ANO1: variants seen among roughly 807,000 people sequenced by gnomAD.
The protein encoded by ANO1 is anoctamin-1.
In ANO1, 59 loss-of-function variants were observed where a neutral mutation model predicts 124.0. The ratio of observed to expected loss-of-function variants is 0.48; its 90% CI spans 0.39 to 0.59. The LOEUF (loss-of-function observed/expected upper bound fraction) is 0.59. ANO1 is among the 20% of genes least tolerant of loss of function. The pLI, the probability that ANO1 is intolerant of heterozygous loss-of-function variation, is 0.00. For synonymous variants in ANO1, 529 were observed against 532.0 expected (o/e 0.99, Z 0.08); for missense variants, 1,059 against 1,328.0 (o/e 0.80, Z 3.15).
intron 1 of ANO1, among the ~76,000 whole-genome samples, chr11:70,050,246 C>A (rs1857331458): frequency 6.6e-6 from 1 of 152,156 alleles, no homozygotes; most frequent in South Asian, 2.1e-4. Context: ...GCTGTGGTAA[C>A]AGAGCTGTTT....
At chr11:70,020,017 G>A (rs1343226293) in intron 1 of ANO1, among the ~76,000 whole-genome samples, 3 of 152,120 alleles carry the variant, frequency 2.0e-5, no homozygotes, top group Non-Finnish European at 2.9e-5. Flanking sequence ...GGCTTCCCCC[G>A]GACCCTCCAA....
chr11:70,000,328 G>GC (rs1554999046), intron 1 of ANO1, among the ~76,000 whole-genome samples: 2 of 150,910 alleles, frequency 1.3e-5, no homozygotes, highest in Non-Finnish European at 1.5e-5. Context: ...GGCCGGGGGG[G>GC]GATGCACACT....
chr11:70,098,653 G>C (rs912255242), intron 2 of ANO1, among the ~76,000 whole-genome samples: 8 of 152,206 alleles, frequency 5.3e-5, no homozygotes, highest in African/African-American at 1.9e-4. Flanking sequence ...AAACCACCCA[G>C]GTCTGATCTT....
chr11:70,028,512 T>A (rs1447545347), intron 1 of ANO1, among the ~76,000 whole-genome samples: 6 of 151,544 alleles, frequency 4.0e-5, no homozygotes, highest in Admixed American at 2.0e-4. Flanking sequence ...GACTTTAAAA[T>A]GACTCAATTG....
upstream of ANO1, among the ~76,000 whole-genome samples, chr11:70,077,675 C>T (rs568971928): frequency 1.3e-5 from 2 of 152,348 alleles, no homozygotes; most frequent in African/African-American, 4.8e-5. Context: ...CGGACTGGTC[C>T]TTGGCCCTCC....
rs555730202 is a variant in ANO1 at position 70,014,502 on chromosome 11, G to C, written c.58+28336G>C. Among the ~76,000 whole-genome samples the C allele has an allele frequency of 4.6e-5, 7 of 152,218 alleles. No homozygotes were observed. The East Asian group carries it at 1.4e-3, about 29-fold the overall frequency. ...TTCTAGTTCACTCACCGTCACTGCC[G>C]AGTCCTCTTGCACTTGGGAGTCCAC... On this transcript the variant is annotated intron_variant, in intron 1 of 27. Coordinates refer to the ANO1 transcript ENST00000531349.
chr11:70,137,204 C>T lies in ANO1; in HGVS notation c.1258+5125C>T, dbSNP rs1387942589. The stretch of plus-strand genomic sequence containing the variant: ...CACCGCTGAAGCACACGTGCCAGAG[C>T]TCCCGTTGTTTATCACACTGTATCC... On this transcript the variant is annotated intron_variant, in intron 11 of 25. Transcript: ENST00000355303. Among the ~76,000 whole-genome samples, 5 of 147,004 alleles carry T rather than the reference C, an allele frequency of 3.4e-5. 1 individual carries two copies. The highest frequency in any genetic ancestry group is 7.6e-5 in the Non-Finnish European group (5 of 66,076).
In ANO1 at chr11:70,165,622, G is replaced by C. The variant is rs2048227544; in HGVS notation, c.2051+52G>C. ...GGCAGGGGCGGGGCCAGGCGGAGGG[G>C]TGTGTGGGTGGCTCCTGCGGGGGTC... On this transcript the variant is annotated intron_variant, in intron 20 of 25. Transcript: ENST00000355303. The C allele has an allele frequency of 2.0e-6, 3 of 1,484,924 alleles. No individual in the cohort carries two copies. The African/African-American group carries it at 4.1e-5, about 21-fold the overall frequency. The allele number at this position is 1,484,924 out of a possible 1,614,324, so 92.0% of individuals were successfully genotyped here.
At chr11:70,045,645 T>G (rs1260368056) in intron 1 of ANO1, among the ~76,000 whole-genome samples, 1 of 152,106 alleles carries the variant, frequency 6.6e-6, no homozygotes, top group Non-Finnish European at 1.5e-5. Context: ...AACTGATTTT[T>G]TTTTTTCCGT....
At chr11:70,143,805 C>T (rs1406002576) in intron 11 of ANO1, among the ~76,000 whole-genome samples, 1 of 152,206 alleles carries the variant, frequency 6.6e-6, no homozygotes, top group Non-Finnish European at 1.5e-5. Context: ...AATCTACGCT[C>T]ATCATTCTAT....
chr11:70,124,837 C>T (rs2515261), intron 9 of ANO1, among the ~76,000 whole-genome samples: 125,652 of 152,242 alleles, frequency 0.83, 51,996 homozygotes, highest in Middle Eastern at 0.89. Flanking sequence ...CGCCAGAGCT[C>T]GACTGGTAGA....
At chr11:69,970,090 C>T in the ANO1 span, among the ~76,000 whole-genome samples, 2 of 152,122 alleles carry the variant, frequency 1.3e-5, no homozygotes, top group Non-Finnish European at 2.9e-5. Flanking sequence ...GTGAGGGTGA[C>T]GTGTTCTCAG....
intron 19 of ANO1, 156 bp from the exon 20 acceptor site, chr11:70,165,314 A>T (rs1317922512): frequency 7.7e-6 from 5 of 648,308 alleles, no homozygotes; most frequent in Non-Finnish European, 1.3e-5. Flanking sequence ...CTTTTTGCAA[A>T]TAAGGCCACG....
At chr11:70,030,878 C>G (rs951327443) in intron 1 of ANO1, among the ~76,000 whole-genome samples, 8 of 152,174 alleles carry the variant, frequency 5.3e-5, no homozygotes, top group African/African-American at 1.9e-4. Context: ...AGAAACACCC[C>G]CCGTTTTAAT....
chr11:70,103,941 C>T, intron 3 of ANO1, 58 bp from the exon 4 acceptor site: 1 of 1,556,882 alleles, frequency 6.4e-7, no homozygotes, highest in Non-Finnish European at 8.7e-7. Context: ...AGAACAGATT[C>T]CACGGATCAT....
rs549685948 is a variant in ANO1, at chr11:70,104,485, A to G, written c.692+335A>G. 2.0e-3 allele frequency among the ~76,000 whole-genome samples: 306 copies of G among 152,206 alleles called. 2 individuals are homozygous for G. The highest frequency in any genetic ancestry group is 6.8e-3 in the African/African-American group (284 of 41,540). On this transcript the variant is annotated intron_variant, in intron 4 of 25. Transcript: ENST00000355303. ...CCCATCCCCCTCCAGTGTCTGGCCAACCAGGCCTCCTGCAGCCCAGGCAGC... is the reference window on the plus strand; with the variant it reads ...CCCATCCCCCTCCAGTGTCTGGCCAGCCAGGCCTCCTGCAGCCCAGGCAGC...
At chr11:70,118,951 T>G (rs2046120263) in intron 8 of ANO1, among the ~76,000 whole-genome samples, 1 of 144,368 alleles carries the variant, frequency 6.9e-6, no homozygotes. Context: ...GGGTGATGGG[T>G]GGGTAGGTGG....
chr11:69,980,168 C>G, the ANO1 span, among the ~76,000 whole-genome samples: 2 of 152,232 alleles, frequency 1.3e-5, no homozygotes, highest in East Asian at 3.9e-4. Flanking sequence ...AGAGGCCAGT[C>G]CCAAAAAGAT....
intron 11 of ANO1, among the ~76,000 whole-genome samples, chr11:70,142,588 A>G (rs562131218): frequency 1.3e-5 from 2 of 152,110 alleles, no homozygotes; most frequent in Admixed American, 6.6e-5. Flanking sequence ...TGGAGTCTGC[A>G]CTAAGCAAAC....
Sources: allele counts gnomAD v4.1 joint callset (sites outside exome capture counted in the v4.1 genomes callset), GRCh38; gene constraint gnomAD v4.1.1; transcripts MANE v1.5; gene names NCBI Gene and HGNC (gene_info 2026-07-23, HGNC 2026-07-21).